PLS1: variants seen among roughly 807,000 people sequenced by gnomAD.
PLS1 encodes plastin 1.
In PLS1, 32 loss-of-function variants were observed where a neutral mutation model predicts 73.7. The ratio of observed to expected loss-of-function variants is 0.43; its 90% CI spans 0.33 to 0.58. The LOEUF (loss-of-function observed/expected upper bound fraction) is 0.58. Among genes scored for constraint, PLS1 ranks in the 20% least tolerant of loss-of-function variants. The pLI, the probability that PLS1 is intolerant of heterozygous loss-of-function variation, is 0.04. For synonymous variants in PLS1, 217 were observed against 261.3 expected, an observed-to-expected ratio of 0.83 and a Z score of 1.63; for missense variants, 633 against 740.5, an observed-to-expected ratio of 0.85 and a Z score of 1.68.
At chr3:142,596,896 T>C (rs1264055617) in intron 1 of PLS1, among the ~76,000 whole-genome samples, 2 of 152,212 alleles carry the variant, frequency 1.3e-5, no homozygotes, top group Non-Finnish European at 1.5e-5. Flanking sequence ...CTTTGGCCTT[T>C]TGGTGCATAG....
At chr3:142,685,993 C>T (rs2037957239) in intron 8 of PLS1, among the ~76,000 whole-genome samples, 5 of 152,160 alleles carry the variant, frequency 3.3e-5, no homozygotes, top group Admixed American at 3.3e-4. Flanking sequence ...TGACCTGAAT[C>T]TTAACTGATG....
chr3:142,644,445 G>T (rs1401425442), intron 1 of PLS1, among the ~76,000 whole-genome samples: 1 of 151,772 alleles, frequency 6.6e-6, no homozygotes, highest in Admixed American at 6.6e-5. Context: ...TAGAGATGGG[G>T]TCTCTCTGTG....
chr3:142,610,701 T>A (rs2036106190), intron 1 of PLS1, among the ~76,000 whole-genome samples: 1 of 152,202 alleles, frequency 6.6e-6, no homozygotes, highest in South Asian at 2.1e-4. Context: ...AATGATAGGA[T>A]GACAAAGACT....
intron 1 of PLS1, among the ~76,000 whole-genome samples, chr3:142,659,142 G>A (rs1337989827): frequency 6.6e-6 from 1 of 152,108 alleles, no homozygotes; most frequent in African/African-American, 2.4e-5. Flanking sequence ...ATAAATATTT[G>A]CCATTATATT....
chr3:142,649,416 A>G (rs1577836318), intron 1 of PLS1, among the ~76,000 whole-genome samples: 1 of 150,832 alleles, frequency 6.6e-6, no homozygotes, highest in Admixed American at 6.6e-5. Context: ...AGGATGGATC[A>G]CCTGAGGTCA....
In PLS1 at chr3:142,671,184, A is replaced by C. The variant is rs148310317; in HGVS notation, c.364+62A>C. ...GATTCATTGATTAAGTGACATATTT[A>C]ATCAGTTCTAAGATGCCACTCATTG... On this transcript the variant is annotated intron_variant, in intron 4 of 15. Transcript: ENST00000457734. The C allele has an allele frequency of 3.7e-3, 5,279 of 1,424,772 alleles. 97 individuals are homozygous for C. Among genetic ancestry groups the C allele is most frequent in the Admixed American group, 0.028 (1,638 of 58,658 alleles). The allele number at this position is 1,424,772 out of a possible 1,614,324, so 88.3% of individuals were successfully genotyped here. A position where few individuals can be genotyped will look rare whatever the true frequency, so the allele number is the denominator to read the frequency against.
intron 11 of PLS1, among the ~76,000 whole-genome samples, chr3:142,695,757 CTTACTTATTTATTTATTTATTTATTTAT>C (rs1431987032): frequency 0.037 from 5,061 of 135,086 alleles, 112 homozygotes; most frequent in East Asian, 0.07. Flanking sequence ...AGTAAGGAGA[CTTACTTATTTATTTATTTATTTATTTAT>C]TTATTTATTT....
At chr3:142,641,395 C>T (rs1224175752) in intron 1 of PLS1, among the ~76,000 whole-genome samples, 1 of 149,704 alleles carries the variant, frequency 6.7e-6, no homozygotes, top group East Asian at 1.9e-4. Context: ...TCTCACCACC[C>T]TCATCCCCAA....
At chr3:142,646,944 AG>A (rs2036964367) in intron 1 of PLS1, among the ~76,000 whole-genome samples, 1 of 152,262 alleles carries the variant, frequency 6.6e-6, no homozygotes, top group Non-Finnish European at 1.5e-5. Context: ...ATTCCTTCTT[AG>A]AAAGCATGGC....
rs115686594 is a variant in PLS1, at chr3:142,640,570, C to G, written c.-36-23632C>G. Among the ~76,000 whole-genome samples, 1,110 of 152,150 alleles carry G rather than the reference C, an allele frequency of 7.3e-3. 11 individuals carry two copies. Among genetic ancestry groups the G allele is most frequent in the Non-Finnish European group, 0.011 (767 of 68,006 alleles). ...CAAGAGAAATGGTATTTCATTGGAT[C>G]TGGAATGATTACCAAGACTTTAAAG... On this transcript the variant is annotated intron_variant, in intron 1 of 15. Transcript: ENST00000457734.
rs566575935 is a variant in PLS1, at chr3:142,702,003, T to C, written c.1372-1865T>C. On this transcript the variant is annotated intron_variant, in intron 12 of 15. Coordinates refer to ENST00000457734, the MANE Select transcript of PLS1 (RefSeq NM_001145319.2). ...TTTTAAGCGGGCTAAGCCTATAATA[T>C]GATTCCAAAAAATGTTTTGGAATAT... Among the ~76,000 whole-genome samples the C allele has an allele frequency of 2.0e-5, 3 of 152,378 alleles. No individual in the cohort carries two copies. In the South Asian group the frequency reaches 6.2e-4, roughly 32 times the overall value.
chr3:142,598,409 T>C (rs6768692), intron 1 of PLS1, among the ~76,000 whole-genome samples: 9,059 of 152,164 alleles, frequency 0.06, 862 homozygotes, highest in African/African-American at 0.2. Flanking sequence ...GAAGGCCATG[T>C]TAGAGCTGTA....
chr3:142,652,245 T>C (rs1035267357), intron 1 of PLS1, among the ~76,000 whole-genome samples: 2 of 152,210 alleles, frequency 1.3e-5, no homozygotes, highest in Non-Finnish European at 2.9e-5. Flanking sequence ...ATTCACCCAA[T>C]GTTGGATTTA....
intron 9 of PLS1, among the ~76,000 whole-genome samples, chr3:142,688,808 G>C (rs1022050506): frequency 2.6e-5 from 4 of 152,046 alleles, no homozygotes; most frequent in African/African-American, 7.2e-5. Flanking sequence ...CCTGTTTATA[G>C]GTATTTGGGT....
intron 1 of PLS1, among the ~76,000 whole-genome samples, chr3:142,647,232 GAAATT>G (rs759897635): frequency 6.6e-6 from 1 of 152,132 alleles, no homozygotes; most frequent in Non-Finnish European, 1.5e-5. Flanking sequence ...TTGCCACTGA[GAAATT>G]AAAAGTGATG....
chr3:142,669,024 A>C (rs1304728224), intron 2 of PLS1, among the ~76,000 whole-genome samples: 1 of 152,128 alleles, frequency 6.6e-6, no homozygotes, highest in Admixed American at 6.6e-5. Flanking sequence ...CGATTTAAAT[A>C]TATACAAAGT....
intron 5 of PLS1, among the ~76,000 whole-genome samples, chr3:142,677,051 C>T (rs112738429): frequency 0.018 from 2,748 of 152,108 alleles, 82 homozygotes; most frequent in African/African-American, 0.062. Context: ...ACCTACAATT[C>T]TTATCTTTCT....
intron 1 of PLS1, among the ~76,000 whole-genome samples, chr3:142,641,178 T>C (rs1285675239): frequency 1.4e-5 from 2 of 144,978 alleles, no homozygotes; most frequent in African/African-American, 2.5e-5. Context: ...ATATATATTA[T>C]ATATATATAT....
intron 10 of PLS1, among the ~76,000 whole-genome samples, chr3:142,691,228 A>T (rs554821340): frequency 6.6e-6 from 1 of 152,274 alleles, no homozygotes; most frequent in Admixed American, 6.5e-5. Flanking sequence ...TGAGTAATTC[A>T]TTCTTCTTGA....
Sources: gnomAD v4.1 joint callset for allele counts (sites outside exome capture counted in the v4.1 genomes callset) on GRCh38, gnomAD v4.1.1 for gene constraint, MANE v1.5 for transcripts, NCBI Gene and HGNC (gene_info 2026-07-23, HGNC 2026-07-21) for gene names.